FGF18: variants seen among roughly 807,000 people sequenced by gnomAD.
The protein encoded by FGF18 is fibroblast growth factor 18.
A neutral mutation model predicts 23.0 loss-of-function variants in FGF18; 5 were observed. That is an observed-to-expected ratio of 0.22 (90% CI 0.11 to 0.46). FGF18 has a LOEUF of 0.46. Among genes scored for constraint, FGF18 ranks in the 20% least tolerant of loss-of-function variants. The pLI is 0.99. For synonymous variants in FGF18, 117 were observed against 118.9 expected (o/e 0.98, Z 0.10); for missense variants, 180 against 291.6 (o/e 0.62, Z 2.79).
Position 171,451,840 on chromosome 5 carries a change from G to A in FGF18, c.357+2587G>A, listed in dbSNP as rs1435449215. ...GGACTGCCCTTCCCTCTGTCCACTTGCCCTGAGTCCTGGCTGGTCATTCCC... is the reference window on the plus strand; with the variant it reads ...GGACTGCCCTTCCCTCTGTCCACTTACCCTGAGTCCTGGCTGGTCATTCCC... On this transcript the variant is annotated intron_variant, in intron 4 of 4. Transcript: ENST00000274625. The surrounding 1 kb of genome is among the most constrained non-coding windows in gnomAD (Gnocchi z 4.5). 6.6e-6 allele frequency among the ~76,000 whole-genome samples: 1 copy of A among 152,138 alleles called. No individual in the cohort carries two copies. The highest frequency in any genetic ancestry group is 2.4e-5 in the African/African-American group (1 of 41,432).
chr5:171,444,870 C>A (rs541653192), intron 3 of FGF18, among the ~76,000 whole-genome samples: 1 of 152,150 alleles, frequency 6.6e-6, no homozygotes, highest in Admixed American at 6.5e-5. Context: ...CTGAGCCGGG[C>A]GTGGGATAGG....
intron 2 of FGF18, 101 bp from the exon 3 acceptor site, chr5:171,435,992 T>G: frequency 1.1e-6 from 1 of 940,688 alleles, no homozygotes; most frequent in Non-Finnish European, 1.5e-6. Flanking sequence ...TCAGAGCCGG[T>G]GTAGAGAAGC....
intron 4 of FGF18, among the ~76,000 whole-genome samples, chr5:171,453,681 G>A (rs1157721332): frequency 6.6e-6 from 1 of 152,166 alleles, no homozygotes; most frequent in African/African-American, 2.4e-5. Context: ...AGGATGAAAT[G>A]CAGTAATGGA....
At chr5:171,420,465 ACCT>A in intron 2 of FGF18, 22 bp downstream of exon 2, 1 of 1,603,574 alleles carries the variant, frequency 6.2e-7, no homozygotes, top group Non-Finnish European at 8.5e-7. Flanking sequence ...CCTGACTTTG[ACCT>A]CCTCCCGCCC....
At chr5:171,439,585 T>TCTGCCAGG (rs1163954499) in intron 3 of FGF18, among the ~76,000 whole-genome samples, 4 of 152,216 alleles carry the variant, frequency 2.6e-5, no homozygotes, top group Non-Finnish European at 5.9e-5. Flanking sequence ...CAGCTGCAGC[T>TCTGCCAGG]CTGCCAGGGA....
At position 171,436,371 on chromosome 5, in the gene FGF18, G is replaced by T; in HGVS notation, c.250+98G>T. Reference sequence around the variant, plus strand: ...TCAAATGCCAGCCTTGCTGCTCCTGGCTGTGTGATCTTGGACCTGGCACTG... The same window carrying T: ...TCAAATGCCAGCCTTGCTGCTCCTGTCTGTGTGATCTTGGACCTGGCACTG... On this transcript the variant is annotated intron_variant, in intron 3 of 4. Transcript: ENST00000274625. This position sits in a 1 kb window ranked among gnomAD's most constrained non-coding sequence, Gnocchi z 4.4. 1 of 1,052,200 alleles carries T rather than the reference G, an allele frequency of 9.5e-7. No individual in the cohort carries two copies. The highest frequency in any genetic ancestry group is 3.1e-5 in the East Asian group (1 of 32,170). 65.2% of individuals were successfully genotyped at this position (1,052,200 alleles called of 1,614,324 possible).
intron 3 of FGF18, among the ~76,000 whole-genome samples, chr5:171,437,005 T>G (rs1298939273): frequency 6.6e-6 from 1 of 152,182 alleles, no homozygotes; most frequent in Non-Finnish European, 1.5e-5. Context: ...CGCAGATTAT[T>G]TATTTAAAAT....
chr5:171,446,909 AG>A (rs1371677441), intron 3 of FGF18, among the ~76,000 whole-genome samples: 31 of 152,178 alleles, frequency 2.0e-4, no homozygotes, highest in Non-Finnish European at 4.3e-4. Flanking sequence ...TGGGAAGTTC[AG>A]GTCATAGTGC....
At chr5:171,455,844 G>A (rs1257893929) in intron 4 of FGF18, among the ~76,000 whole-genome samples, 2 of 152,238 alleles carry the variant, frequency 1.3e-5, no homozygotes, top group African/African-American at 4.8e-5. Flanking sequence ...TAGGGATGAA[G>A]TGGAGCCATT....
intron 2 of FGF18, among the ~76,000 whole-genome samples, chr5:171,426,059 G>A (rs1431025918): frequency 6.6e-6 from 1 of 152,114 alleles, no homozygotes; most frequent in East Asian, 1.9e-4. Flanking sequence ...TTTGCTGTGT[G>A]ACCTCGGGCA....
chr5:171,427,397 A>T (rs1272053720), intron 2 of FGF18, among the ~76,000 whole-genome samples: 1 of 152,174 alleles, frequency 6.6e-6, no homozygotes, highest in Non-Finnish European at 1.5e-5. Flanking sequence ...AAAGCTAGAA[A>T]GGACGTGTTC....
intron 3 of FGF18, among the ~76,000 whole-genome samples, chr5:171,437,168 G>C (rs1293214771): frequency 2.0e-5 from 3 of 152,236 alleles, no homozygotes; most frequent in Non-Finnish European, 4.4e-5. Context: ...CTGGGGCCGT[G>C]GTCCTGTGTG....
At chr5:171,425,221 G>T (rs184184395) in intron 2 of FGF18, among the ~76,000 whole-genome samples, 1 of 152,206 alleles carries the variant, frequency 6.6e-6, no homozygotes, top group African/African-American at 2.4e-5. Flanking sequence ...CAGGTATAGT[G>T]CACTCACTAC....
intron 2 of FGF18, among the ~76,000 whole-genome samples, chr5:171,423,700 G>A (rs1305510837): frequency 6.6e-6 from 1 of 151,828 alleles, no homozygotes; most frequent in South Asian, 2.1e-4. Flanking sequence ...CTTTAAGCTG[G>A]TTAGGATGGG....
chr5:171,427,672 A>G (rs1306828689), intron 2 of FGF18, among the ~76,000 whole-genome samples: 1 of 152,236 alleles, frequency 6.6e-6, no homozygotes, highest in Non-Finnish European at 1.5e-5. Context: ...ATCCACAAAC[A>G]TTTATGGGAC....
At chr5:171,424,831 C>T (rs998769479) in intron 2 of FGF18, among the ~76,000 whole-genome samples, 3 of 150,652 alleles carry the variant, frequency 2.0e-5, no homozygotes, top group Non-Finnish European at 3.0e-5. Flanking sequence ...CCTCTTCCAG[C>T]CTATCCCCAG....
chr5:171,424,981 C>G (rs534819059), intron 2 of FGF18, among the ~76,000 whole-genome samples: 82 of 152,318 alleles, frequency 5.4e-4, no homozygotes, highest in African/African-American at 1.9e-3. Flanking sequence ...TGTCAGCAGG[C>G]TTGGGGCAGC....
At chr5:171,431,403 G>A (rs932483824) in intron 2 of FGF18, among the ~76,000 whole-genome samples, 8 of 152,180 alleles carry the variant, frequency 5.3e-5, no homozygotes, top group African/African-American at 1.7e-4. Context: ...GGATGAGACC[G>A]AAGGCAGAAG....
In FGF18 at chr5:171,436,099, G is replaced by A. The variant is rs758470984; in HGVS notation, c.76G>A (p.Val26Ile). The A allele has an allele frequency of 5.8e-6, 9 of 1,549,606 alleles. No homozygotes were observed. The highest frequency in any genetic ancestry group is 1.4e-5 in the African/African-American group (1 of 72,568). The change falls in exon 3 of 5, where the codon GTT (valine) becomes ATT (isoleucine). Residue 26 changes from valine (V) to isoleucine (I), a missense_variant. Val to Ile is a conservative substitution (Grantham distance 29). Coordinates refer to ENST00000274625, the MANE Select transcript of FGF18 (RefSeq NM_003862.3). The surrounding 1 kb of genome is among the most constrained non-coding windows in gnomAD (Gnocchi z 4.4). ...LLLCFQVQVL[V>I]AEENVDFRIH... Reference sequence around the variant, plus strand: ...TGTCCTTTTCCCTGCCCAGGTGCTGGTTGCCGAGGAGAACGTGGACTTCCG... The same window carrying A: ...TGTCCTTTTCCCTGCCCAGGTGCTGATTGCCGAGGAGAACGTGGACTTCCG...
Sources: allele counts gnomAD v4.1 joint callset (sites outside exome capture counted in the v4.1 genomes callset), GRCh38; gene constraint gnomAD v4.1.1; non-coding constraint Gnocchi (gnomAD v3.1); transcripts MANE v1.5; gene names NCBI Gene and HGNC (gene_info 2026-07-23, HGNC 2026-07-21).